EYS: variants seen among roughly 807,000 people sequenced by gnomAD.
The protein encoded by EYS is EGF-like photoreceptor maintenance factor, also known as protein eyes shut homolog.
In EYS, 250 loss-of-function variants were observed where a neutral mutation model predicts 282.1. That is an observed-to-expected ratio of 0.89 (90% CI 0.80 to 0.98). The LOEUF (loss-of-function observed/expected upper bound fraction) is 0.98. Among genes scored for constraint, EYS ranks in the 50% least tolerant of loss-of-function variants. The pLI is 0.00. For missense variants in EYS, 4,016 were observed against 3,709.0 expected (o/e 1.08, Z -2.15); for synonymous variants, 1,355 against 1,282.9 (o/e 1.06, Z -1.20).
At chr6:65,331,222 T>A in intron 11 of EYS, 1 of 714,294 alleles carries the variant, frequency 1.4e-6, no homozygotes, top group Non-Finnish European at 1.7e-6. Flanking sequence ...ATGTGTGAAT[T>A]AATTTGGGAA....
At chr6:64,747,620 T>G (rs968317529) in intron 22 of EYS, among the ~76,000 whole-genome samples, 4 of 152,188 alleles carry the variant, frequency 2.6e-5, no homozygotes, top group Non-Finnish European at 5.9e-5. Context: ...CCTCAAGATC[T>G]GCCTGCCTCA....
chr6:64,759,269 C>T (rs1052921221), intron 22 of EYS, among the ~76,000 whole-genome samples: 2 of 152,198 alleles, frequency 1.3e-5, no homozygotes, highest in African/African-American at 4.8e-5. Flanking sequence ...TTGGACTCAT[C>T]ACTAATTATT....
intron 26 of EYS, among the ~76,000 whole-genome samples, chr6:64,581,890 G>A (rs1766082091): frequency 6.6e-6 from 1 of 152,058 alleles, no homozygotes; most frequent in Non-Finnish European, 1.5e-5. Flanking sequence ...GAGAAGACAG[G>A]GACATTGTAA....
intron 2 of EYS, among the ~76,000 whole-genome samples, chr6:65,517,370 A>G (rs1284554980): frequency 6.6e-6 from 1 of 151,590 alleles, no homozygotes; most frequent in Non-Finnish European, 1.5e-5. Context: ...CAAACCTTAA[A>G]CCAGTTTCTT....
rs367552123 is a variant in EYS at position 65,044,566 on chromosome 6, C to A, written c.2137+13048G>T. Among the ~76,000 whole-genome samples the A allele has an allele frequency of 2.2e-4, 33 of 151,896 alleles. 1 individual carries two copies. In the South Asian group the frequency reaches 6.8e-3, roughly 31 times the overall value. On this transcript the variant is annotated intron_variant, in intron 13 of 42. Transcript: ENST00000503581. ...TAATAATTATATTCTTGACATCGTG[C>A]TGATATGTTGCATTGTCTCTGGATT...
chr6:64,962,574 A>G (rs893591516), intron 14 of EYS, among the ~76,000 whole-genome samples: 39 of 151,930 alleles, frequency 2.6e-4, no homozygotes, highest in African/African-American at 7.7e-4. Context: ...TTTACAAAAA[A>G]AAAAGAAAAG....
chr6:65,663,941 G>A (rs1245585249), intron 1 of EYS, among the ~76,000 whole-genome samples: 2 of 127,298 alleles, frequency 1.6e-5, no homozygotes, highest in Non-Finnish European at 3.2e-5. Flanking sequence ...GCGCAATCTC[G>A]GATCACTGCA....
intron 35 of EYS, among the ~76,000 whole-genome samples, chr6:63,970,631 T>C (rs1479429118): frequency 1.5e-5 from 2 of 132,064 alleles, no homozygotes; most frequent in African/African-American, 2.7e-5. Context: ...CAAGACTCCA[T>C]CTCAAAAAAA....
intron 12 of EYS, among the ~76,000 whole-genome samples, chr6:65,192,043 T>A (rs778998107): frequency 6.6e-6 from 1 of 151,710 alleles, no homozygotes; most frequent in African/African-American, 2.4e-5. Context: ...AAATGGCCAA[T>A]GTAAGGAAAG....
At chr6:64,358,668 C>T (rs1182794669) in intron 29 of EYS, among the ~76,000 whole-genome samples, 7 of 151,674 alleles carry the variant, frequency 4.6e-5, no homozygotes, top group East Asian at 2.0e-4. Flanking sequence ...CGGTTTATGG[C>T]GTATGGCAAA....
intron 31 of EYS, among the ~76,000 whole-genome samples, chr6:64,087,873 GAAGC>G (rs901951948): frequency 2.2e-4 from 33 of 152,078 alleles, no homozygotes; most frequent in African/African-American, 7.9e-4. Flanking sequence ...CTTATTCTGA[GAAGC>G]AATGAACTCA....
intron 41 of EYS, among the ~76,000 whole-genome samples, chr6:63,742,392 C>T (rs1769098058): frequency 6.6e-6 from 1 of 152,126 alleles, no homozygotes; most frequent in South Asian, 2.1e-4. Flanking sequence ...TTCTGTCACT[C>T]CAGGGACATA....
rs542874858 is a variant in EYS, at chr6:64,063,892, A to AT, written c.6725+2445dup. ...TTACAGGCACGTGCCACCATGCCTA[A>AT]TTTTTTTGTATTTTTAGTAGAGATG... On this transcript the variant is annotated intron_variant, in intron 33 of 42. Transcript: ENST00000503581. Among the ~76,000 whole-genome samples the AT allele has an allele frequency of 2.6e-3, 390 of 151,746 alleles. 1 individual carries two copies. Among genetic ancestry groups the AT allele is most frequent in the African/African-American group, 8.6e-3 (354 of 41,394 alleles).
chr6:63,807,891 A>T (rs1162498314), intron 36 of EYS, among the ~76,000 whole-genome samples: 1 of 152,212 alleles, frequency 6.6e-6, no homozygotes, highest in Non-Finnish European at 1.5e-5. Flanking sequence ...GAATAAAAAT[A>T]CTGACCATCA....
intron 5 of EYS, among the ~76,000 whole-genome samples, chr6:65,420,740 C>G (rs945879286): frequency 6.6e-6 from 1 of 151,794 alleles, no homozygotes; most frequent in Non-Finnish European, 1.5e-5. Flanking sequence ...TAAAAATATT[C>G]TTTTATTGGT....
chr6:63,910,288 G>GA (rs973475232), intron 35 of EYS, among the ~76,000 whole-genome samples: 3 of 152,168 alleles, frequency 2.0e-5, no homozygotes, highest in African/African-American at 7.2e-5. Context: ...TGGTGGTGTT[G>GA]AAAGCATCCC....
chr6:64,820,540 T>C (rs189969988), intron 21 of EYS, among the ~76,000 whole-genome samples: 5 of 152,274 alleles, frequency 3.3e-5, no homozygotes, highest in Admixed American at 2.0e-4. Context: ...AGAATAACTT[T>C]CACTATCCAG....
At chr6:63,946,726 ATTTTT>A (rs10580253) in intron 35 of EYS, among the ~76,000 whole-genome samples, 2 of 135,646 alleles carry the variant, frequency 1.5e-5, no homozygotes, top group Admixed American at 7.5e-5. Flanking sequence ...TTTATGAACT[ATTTTT>A]TTTTTTTTTT....
At chr6:65,533,016 A>G (rs1023184908) in intron 2 of EYS, among the ~76,000 whole-genome samples, 82 of 152,196 alleles carry the variant, frequency 5.4e-4, no homozygotes, top group African/African-American at 1.9e-3. Context: ...AATAATAAAA[A>G]AGGATAAATT....
Sources: allele counts gnomAD v4.1 joint callset (sites outside exome capture counted in the v4.1 genomes callset), GRCh38; gene constraint gnomAD v4.1.1; transcripts MANE v1.5; gene names NCBI Gene and HGNC (gene_info 2026-07-23, HGNC 2026-07-21).